The following EDIL3 variants were observed in gnomAD, a reference collection of about 807,000 sequenced individuals.
EDIL3 encodes the protein EGF-like repeat and discoidin I-like domain-containing protein 3.
In EDIL3, 37 loss-of-function variants were observed where a neutral mutation model predicts 67.4. That is an observed-to-expected ratio of 0.55 (90% CI 0.42 to 0.72). EDIL3 has a LOEUF of 0.72. EDIL3 is among the 30% of genes least tolerant of loss of function. EDIL3 has a pLI of 0.00. For synonymous variants in EDIL3, 195 were observed against 196.3 expected (o/e 0.99, Z 0.05); for missense variants, 527 against 586.3 (o/e 0.90, Z 1.04).
intron 3 of EDIL3, among the ~76,000 whole-genome samples, chr5:84,220,792 C>A (rs1744326271): frequency 6.6e-6 from 1 of 152,112 alleles, no homozygotes; most frequent in Admixed American, 6.6e-5. Flanking sequence ...TAAGTCTGTC[C>A]AGCCAGAGTG....
intron 4 of EDIL3, among the ~76,000 whole-genome samples, chr5:84,161,610 G>A (rs1367347633): frequency 1.3e-5 from 2 of 151,988 alleles, no homozygotes; most frequent in African/African-American, 2.4e-5. Context: ...AATGCCCTAA[G>A]CTTACTTTTA....
At chr5:84,035,411 A>G (rs1405519721) in intron 9 of EDIL3, among the ~76,000 whole-genome samples, 1 of 152,174 alleles carries the variant, frequency 6.6e-6, no homozygotes, top group Non-Finnish European at 1.5e-5. Context: ...ATTAAGCAAT[A>G]AAACCAGTTA....
chr5:84,300,050 A>G (rs909191083), intron 1 of EDIL3, among the ~76,000 whole-genome samples: 7 of 152,232 alleles, frequency 4.6e-5, no homozygotes, highest in Admixed American at 6.5e-5. Context: ...GCTAATAACA[A>G]ACATTTATTT....
At chr5:84,064,014 C>T (rs540289496) in intron 8 of EDIL3, among the ~76,000 whole-genome samples, 3 of 152,090 alleles carry the variant, frequency 2.0e-5, no homozygotes, top group African/African-American at 7.2e-5. Context: ...AAGATTCACA[C>T]ATTAAGTCCT....
chr5:83,964,063 A>G, intron 9 of EDIL3, among the ~76,000 whole-genome samples: 1 of 151,888 alleles, frequency 6.6e-6, no homozygotes, highest in East Asian at 1.9e-4. Context: ...TTTTCTGCAA[A>G]ACACATACTT....
chr5:83,995,558 T>G (rs1745224692), intron 9 of EDIL3, among the ~76,000 whole-genome samples: 1 of 152,148 alleles, frequency 6.6e-6, no homozygotes, highest in Non-Finnish European at 1.5e-5. Context: ...TTTCATATAC[T>G]CTTAAAATTT....
At chr5:84,284,221 A>T (rs906327229) in intron 1 of EDIL3, among the ~76,000 whole-genome samples, 1 of 152,158 alleles carries the variant, frequency 6.6e-6, no homozygotes, top group African/African-American at 2.4e-5. Flanking sequence ...ATGCATTGTC[A>T]ATATTTGTAA....
intron 5 of EDIL3, among the ~76,000 whole-genome samples, chr5:84,112,358 C>T (rs1244712231): frequency 6.6e-6 from 1 of 152,044 alleles, no homozygotes; most frequent in Non-Finnish European, 1.5e-5. Context: ...TAAAAGTAGG[C>T]AGAACTAGTA....
chr5:84,192,914 G>A (rs761156131), intron 3 of EDIL3, among the ~76,000 whole-genome samples: 1 of 151,932 alleles, frequency 6.6e-6, no homozygotes, highest in Non-Finnish European at 1.5e-5. Flanking sequence ...GCATAGACTA[G>A]AAGCCGGAAA....
At chr5:84,322,037 A>C (rs1008064345) in intron 1 of EDIL3, among the ~76,000 whole-genome samples, 2 of 151,846 alleles carry the variant, frequency 1.3e-5, no homozygotes, top group Non-Finnish European at 1.5e-5. Context: ...TTATAAAGAC[A>C]GCATGAAAAT....
rs188221247 is a variant in EDIL3, at chr5:84,203,866, G to C, written c.227-23345C>G. ...ACTATATCCGAAGAGGGTAAGGAAG[G>C]CGTATATCACATCTGTAGAAACATT... On this transcript the variant is annotated intron_variant, in intron 3 of 10. Coordinates refer to ENST00000296591, the MANE Select transcript of EDIL3 (RefSeq NM_005711.5). Among the ~76,000 whole-genome samples the C allele has an allele frequency of 4.9e-3, 745 of 152,222 alleles. 11 individuals carry two copies. The highest frequency in any genetic ancestry group is 0.017 in the African/African-American group (713 of 41,536).
At chr5:84,096,262 C>T (rs1321149063) in intron 6 of EDIL3, among the ~76,000 whole-genome samples, 2 of 152,108 alleles carry the variant, frequency 1.3e-5, no homozygotes, top group South Asian at 2.1e-4. Flanking sequence ...CAGCTTGCAC[C>T]GTGTGTCTGG....
At chr5:84,039,977 C>A (rs1746089653) in intron 9 of EDIL3, among the ~76,000 whole-genome samples, 1 of 152,120 alleles carries the variant, frequency 6.6e-6, no homozygotes, top group South Asian at 2.1e-4. Flanking sequence ...CTAACATTTT[C>A]ATATCAGTTA....
At chr5:84,076,049 T>C (rs907341844) in intron 6 of EDIL3, among the ~76,000 whole-genome samples, 199 of 151,102 alleles carry the variant, frequency 1.3e-3, no homozygotes, top group African/African-American at 4.5e-3. Context: ...ATGAACAGGT[T>C]AAATATTACC....
chr5:84,241,812 G>C (rs1744798685), intron 2 of EDIL3, among the ~76,000 whole-genome samples: 1 of 151,890 alleles, frequency 6.6e-6, no homozygotes, highest in Non-Finnish European at 1.5e-5. Context: ...TCTGCATGTA[G>C]CTTTAAAATA....
At chr5:84,027,808 A>C (rs920761350) in intron 9 of EDIL3, among the ~76,000 whole-genome samples, 11 of 152,170 alleles carry the variant, frequency 7.2e-5, no homozygotes, top group Admixed American at 2.0e-4. Context: ...AACTCAAAAA[A>C]GAAAATCTGA....
chr5:84,059,353 T>C (rs1490740104), intron 9 of EDIL3, among the ~76,000 whole-genome samples: 1 of 152,082 alleles, frequency 6.6e-6, no homozygotes, highest in Non-Finnish European at 1.5e-5. Flanking sequence ...CAGTGAGCTA[T>C]GATTGCACTA....
intron 10 of EDIL3, among the ~76,000 whole-genome samples, chr5:83,948,360 G>A (rs1021837008): frequency 6.6e-6 from 1 of 151,540 alleles, no homozygotes; most frequent in Non-Finnish European, 1.5e-5. Flanking sequence ...TTTTTTGACT[G>A]TCAAAAATTT....
intron 9 of EDIL3, among the ~76,000 whole-genome samples, chr5:84,015,349 A>G (rs1332091238): frequency 6.6e-6 from 1 of 152,224 alleles, no homozygotes; most frequent in Non-Finnish European, 1.5e-5. Context: ...AGAGTTAGAA[A>G]TGAAATGCTG....
Sources: allele counts gnomAD v4.1 joint callset (sites outside exome capture counted in the v4.1 genomes callset), GRCh38; gene constraint gnomAD v4.1.1; transcripts MANE v1.5; gene names NCBI Gene and HGNC (gene_info 2026-07-23, HGNC 2026-07-21).